CDHR4: variants seen among roughly 807,000 people sequenced by gnomAD.
The protein encoded by CDHR4 is cadherin related family member 4.
Under a neutral mutation model 88.4 loss-of-function variants are expected in CDHR4, and 89 were observed. The observed-to-expected ratio is 1.01, with a 90% CI of 0.85 to 1.20. The LOEUF (loss-of-function observed/expected upper bound fraction) is 1.20. CDHR4 is among the 50% of genes most tolerant of loss of function. The pLI, the probability that CDHR4 is intolerant of heterozygous loss-of-function variation, is 0.00. For missense variants in CDHR4, 914 were observed against 1,007.2 expected (o/e 0.91, Z 1.25); for synonymous variants, 368 against 399.2 (o/e 0.92, Z 0.93).
chr3:49,794,740 C>G lies in CDHR4; in HGVS notation c.1186-39G>C, dbSNP rs778347547. Reference sequence around the variant, plus strand: ...CTAGAAAGTGAGGTCCAGCCAGGGCCTGAGAGAGCCCTGAGCCACACGGGG... The same window carrying G: ...CTAGAAAGTGAGGTCCAGCCAGGGCGTGAGAGAGCCCTGAGCCACACGGGG... On this transcript the variant is annotated intron_variant, in intron 9 of 18. Coordinates refer to ENST00000412678, the MANE Select transcript of CDHR4 (RefSeq NM_001007540.4). The G allele has an allele frequency of 4.7e-5, 72 of 1,518,054 alleles. 1 individual carries two copies. The Middle Eastern group carries it at 2.1e-3, about 43-fold the overall frequency. 94.0% of individuals were successfully genotyped at this position (1,518,054 alleles called of 1,614,324 possible).
Position 49,799,302 on chromosome 3 carries a change from G to A in CDHR4, c.185C>T (p.Thr62Ile), listed in dbSNP as rs756723885. The stretch of plus-strand genomic sequence containing the variant: ...CAAGCTGGGTGGGTTGAAGAAGGTG[G>A]TGGGTGGCTGGACATTGAGCAACTC... Reference protein sequence around the residue: ...TLELLNVQPPTTFFNPPSLAR... With the variant: ...TLELLNVQPPITFFNPPSLAR... Residue 62 changes from threonine (T) to isoleucine (I), a missense_variant, in exon 2 of 19, where the codon ACC (threonine) becomes ATC (isoleucine). Coordinates refer to ENST00000412678, the MANE Select transcript of CDHR4 (RefSeq NM_001007540.4). The A allele has an allele frequency of 6.2e-7, 1 of 1,613,972 alleles. No homozygotes were observed. The highest frequency in any genetic ancestry group is 1.1e-5 in the South Asian group (1 of 91,072).
Position 49,791,734 on chromosome 3 carries a change from G to A in CDHR4, c.2263C>T (p.Pro755Ser), listed in dbSNP as rs1244283616. ...EAPKMEMSQA[P>S]SSVMSLHFDG... is the part of the protein sequence containing the mutation. ...CATACCAGACTCATGACACTGCTGG[G>A]TGCCTGGGACATCTCCATCTTCGGT... Residue 755 changes from proline (P) to serine (S), a missense_variant, in exon 17 of 19, where the codon CCC becomes TCC. Physicochemically the swap from Pro to Ser is moderately conservative, Grantham distance 74. Transcript: ENST00000412678. 6.4e-7 allele frequency: 1 copy of A among 1,551,672 alleles called. No homozygotes were observed. Among genetic ancestry groups the A allele is most frequent in the Admixed American group, 2.0e-5 (1 of 51,008 alleles).
At chr3:49,799,210 G>A (rs1176357952) in intron 2 of CDHR4, 37 bp downstream of exon 2, 1 of 1,609,090 alleles carries the variant, frequency 6.2e-7, no homozygotes, top group East Asian at 2.2e-5. Context: ...GTCTGCCCTT[G>A]TGCCCCCACA....
At chr3:49,791,346 TAGGAGGAGATATTGAGATGGGGTAAAGAG>T in intron 18 of CDHR4, 66 bp downstream of exon 18, 1 of 1,323,428 alleles carries the variant, frequency 7.6e-7, no homozygotes. Flanking sequence ...TTCCTGGGAG[TAGGAGGAGATATTGAGATGGGGTAAAGAG>T]AGGAGGAGAT....
Position 49,793,580 on chromosome 3 carries a change from T to C in CDHR4, c.1623+3A>G. On this transcript the variant is annotated splice_donor_region_variant and intron_variant, in intron 12 of 18. Transcript: ENST00000412678. ...TATTTCCAAAGCCTTAGGACGCAAT[T>C]ACCTCAACCTCGATGGTAATGGTAC... The C allele has an allele frequency of 6.4e-7, 1 of 1,551,698 alleles. No homozygotes were observed. Among genetic ancestry groups the C allele is most frequent in the Non-Finnish European group, 8.7e-7 (1 of 1,146,960 alleles).
At chr3:49,802,318 C>A (rs1295394612), upstream of CDHR4, among the ~76,000 whole-genome samples, 2 of 152,256 alleles carry the variant, frequency 1.3e-5, no homozygotes, top group East Asian at 3.9e-4. Flanking sequence ...GGACTACAGG[C>A]GCCCGCCACC....
Position 49,797,051 on chromosome 3 carries a change from T to G in CDHR4, c.496-19A>C. The G allele has an allele frequency of 1.9e-6, 3 of 1,547,402 alleles. No individual in the cohort carries two copies. In the South Asian group the frequency reaches 3.6e-5, roughly 18 times the overall value. Reference sequence around the variant, plus strand: ...TGCTCATCTGACAGAACAGAGATGCTGGCAACCACATTCAGCCCCCAGTGC... The same window carrying G: ...TGCTCATCTGACAGAACAGAGATGCGGGCAACCACATTCAGCCCCCAGTGC... On this transcript the variant is annotated intron_variant, in intron 4 of 18. Transcript: ENST00000412678.
At chr3:49,801,895 G>T (rs1320235712), upstream of CDHR4, among the ~76,000 whole-genome samples, 1 of 152,196 alleles carries the variant, frequency 6.6e-6, no homozygotes, top group Non-Finnish European at 1.5e-5. Context: ...ATCTAAACAA[G>T]GGCTAGCCCA....
chr3:49,799,765 A>G lies in CDHR4; in HGVS notation c.48T>C (p.Ser16=), dbSNP rs764794824. ...LLVFLFAPVV[S]DLCSLPCFIN... ...TTCCCCCACCCACCACCTCCTCACC[A>G]GAGACCACCGGAGCAAAGAGGAACA... Residue 16 remains serine, a splice_region_variant and synonymous_variant, in exon 1 of 19, where the codon TCT becomes TCC. Transcript: ENST00000412678. The G allele has an allele frequency of 4.3e-6, 7 of 1,613,890 alleles. No homozygotes were observed. In the South Asian group the frequency reaches 6.6e-5, roughly 15 times the overall value.
chr3:49,798,689 T>C, intron 4 of CDHR4, 137 bp downstream of exon 4: 3 of 757,152 alleles, frequency 4.0e-6, no homozygotes, highest in Non-Finnish European at 4.2e-6. Context: ...TCCAAGAACA[T>C]ACATCATGTA....
intron 4 of CDHR4, chr3:49,798,509 A>G (rs2081306850): frequency 2.6e-6 from 1 of 377,708 alleles, no homozygotes; most frequent in Admixed American, 4.3e-5. Flanking sequence ...AATGGCATGA[A>G]CCTGGGAGGT....
chr3:49,791,365 G>T, intron 18 of CDHR4, 76 bp downstream of exon 18: 1 of 1,442,512 alleles, frequency 6.9e-7, no homozygotes, highest in Non-Finnish European at 9.3e-7. Context: ...ATATTGAGAT[G>T]GGGTAAAGAG....
Position 49,796,991 on chromosome 3 carries a change from T to C in CDHR4, c.537A>G (p.Gly179=), listed in dbSNP as rs1407945382. The change falls in exon 5 of 19, where the codon GGA becomes GGG. Residue 179 remains glycine, a synonymous_variant. Coordinates refer to ENST00000412678, the MANE Select transcript of CDHR4 (RefSeq NM_001007540.4). ...AACCTTGCTCATTGATGGAGAAAGG[T>C]CCAGGGAAGTGTGGCAGGTCCTGGG... ...ISAQDLPHFP[G]PFSINEQGWL... 3.5e-5 allele frequency: 55 copies of C among 1,551,444 alleles called. No individual in the cohort carries two copies. The highest frequency in any genetic ancestry group is 8.7e-7 in the Non-Finnish European group (1 of 1,146,964).
At position 49,795,182 on chromosome 3, in the gene CDHR4, T is replaced by C. The variant is rs765862338; in HGVS notation, c.1031+14A>G. The stretch of plus-strand genomic sequence containing the variant: ...CTGACCCCAGCAGCCCAAGTATGGT[T>C]CCCGGGTACTCACACCAGAAGCGCT... On this transcript the variant is annotated intron_variant, in intron 8 of 18. Coordinates refer to ENST00000412678, the MANE Select transcript of CDHR4 (RefSeq NM_001007540.4). This position sits in a 1 kb window ranked among gnomAD's most constrained non-coding sequence, Gnocchi z 5.4. 1.3e-6 allele frequency: 2 copies of C among 1,551,544 alleles called. No homozygotes were observed. The highest frequency in any genetic ancestry group is 1.7e-6 in the Non-Finnish European group (2 of 1,146,942).
chr3:49,795,310 AGCCT>A lies in CDHR4; in HGVS notation c.913_916del (p.Arg305CysfsTer3). 1.3e-6 allele frequency: 2 copies of A among 1,551,666 alleles called. No homozygotes were observed. The highest frequency in any genetic ancestry group is 1.7e-6 in the Non-Finnish European group (2 of 1,146,970). ...GCCCTGCTCAAAGGCCTTCACCTGC[AGCCT>A]GGAGACCGCGGTGCCTGAGGTGCGA... On this transcript the variant is annotated frameshift_variant, in exon 8 of 19. Transcript: ENST00000412678. LOFTEE classifies it high-confidence loss of function. This position sits in a 1 kb window ranked among gnomAD's most constrained non-coding sequence, Gnocchi z 5.4.
At position 49,795,132 on chromosome 3, in the gene CDHR4, T is replaced by A; in HGVS notation, c.1032-32A>T. 1 of 1,550,788 alleles carries A rather than the reference T, an allele frequency of 6.4e-7. No homozygotes were observed. The highest frequency in any genetic ancestry group is 8.7e-7 in the Non-Finnish European group (1 of 1,146,778). On this transcript the variant is annotated intron_variant, in intron 8 of 18. Coordinates refer to ENST00000412678, the MANE Select transcript of CDHR4 (RefSeq NM_001007540.4). This position sits in a 1 kb window ranked among gnomAD's most constrained non-coding sequence, Gnocchi z 5.4. Reference sequence around the variant, plus strand: ...GTATGCAGTGGCAGCAAGGCAGGAGTCTGGCAGTACCCTGAGTCATGGCTC... The same window carrying A: ...GTATGCAGTGGCAGCAAGGCAGGAGACTGGCAGTACCCTGAGTCATGGCTC...
chr3:49,792,087 C>A (rs2081187808), intron 15 of CDHR4, 128 bp from the exon 16 acceptor site: 2 of 938,176 alleles, frequency 2.1e-6, no homozygotes, highest in Non-Finnish European at 3.3e-6. Flanking sequence ...CACATTGTTA[C>A]ATCCCCTTTC....
rs1388241888 is a variant in CDHR4 at position 49,793,005 on chromosome 3, A to G, written c.1844T>C (p.Phe615Ser). ...LVHSDLVLGP[F>S]WPEQPRTYEL... ...ATAGGTACGGGGCTGCTCTGGCCAGAACGGCCCCAACACAAGGTCACTGTG... is the reference window on the plus strand; with the variant it reads ...ATAGGTACGGGGCTGCTCTGGCCAGGACGGCCCCAACACAAGGTCACTGTG... The change falls in exon 14 of 19, where the codon TTC becomes TCC. Residue 615 changes from phenylalanine (F) to serine (S), a missense_variant. Coordinates refer to ENST00000412678, the MANE Select transcript of CDHR4 (RefSeq NM_001007540.4). 6.4e-7 allele frequency: 1 copy of G among 1,551,554 alleles called. No homozygotes were observed. The highest frequency in any genetic ancestry group is 8.7e-7 in the Non-Finnish European group (1 of 1,147,014).
At chr3:49,794,862 C>T in intron 9 of CDHR4, 85 bp downstream of exon 9, 1 of 1,516,076 alleles carries the variant, frequency 6.6e-7, no homozygotes, top group Middle Eastern at 1.7e-4. Context: ...CACCCCCACT[C>T]CCGTGGTCTC....
Sources: allele counts gnomAD v4.1 joint callset (sites outside exome capture counted in the v4.1 genomes callset), GRCh38; gene constraint gnomAD v4.1.1; non-coding constraint Gnocchi (gnomAD v3.1); transcripts MANE v1.5; gene names NCBI Gene and HGNC (gene_info 2026-07-23, HGNC 2026-07-21).